The following PODXL2 variants were observed in gnomAD, a reference collection of about 807,000 sequenced individuals.
PODXL2 encodes the protein podocalyxin-like protein 2.
Under a neutral mutation model 53.4 loss-of-function variants are expected in PODXL2, and 17 were observed. The ratio of observed to expected loss-of-function variants is 0.32; its 90% CI spans 0.22 to 0.48. The LOEUF is 0.48. Ranked by LOEUF, PODXL2 falls within the 20% of genes least tolerant of loss-of-function variation. PODXL2 has a pLI of 0.99. For synonymous variants in PODXL2, 311 were observed against 306.7 expected, an observed-to-expected ratio of 1.01 and a Z score of -0.15; for missense variants, 673 against 760.0, an observed-to-expected ratio of 0.89 and a Z score of 1.35.
At chr3:127,654,097 A>C (rs993061771) in intron 2 of PODXL2, among the ~76,000 whole-genome samples, 1 of 152,194 alleles carries the variant, frequency 6.6e-6, no homozygotes, top group African/African-American at 2.4e-5. Flanking sequence ...TTCATAGTCC[A>C]CTATCCGGTC....
At chr3:127,670,157 C>T (rs990064110) in intron 6 of PODXL2, among the ~76,000 whole-genome samples, 3 of 152,172 alleles carry the variant, frequency 2.0e-5, no homozygotes, top group Non-Finnish European at 2.9e-5. Flanking sequence ...TCCTCGCCAC[C>T]ACCCCATGGG....
chr3:127,631,566 T>A (rs2074546472), intron 1 of PODXL2, among the ~76,000 whole-genome samples: 3 of 152,162 alleles, frequency 2.0e-5, no homozygotes, highest in Admixed American at 6.5e-5. Context: ...AACAGAAAAT[T>A]ATAGGTGCTA....
intron 5 of PODXL2, 149 bp downstream of exon 5, chr3:127,668,746 T>G: frequency 2.6e-6 from 2 of 778,606 alleles, no homozygotes; most frequent in Non-Finnish European, 3.9e-6. Flanking sequence ...GTGGTCAAGG[T>G]GTACCCACCA....
chr3:127,653,716 T>A (rs924437137), intron 2 of PODXL2, among the ~76,000 whole-genome samples: 2 of 152,128 alleles, frequency 1.3e-5, no homozygotes, highest in Non-Finnish European at 2.9e-5. Context: ...CTCCTTATTT[T>A]AAAAAATTTT....
intron 1 of PODXL2, among the ~76,000 whole-genome samples, chr3:127,633,883 G>T (rs1185477408): frequency 6.6e-6 from 1 of 151,754 alleles, no homozygotes; most frequent in Admixed American, 6.6e-5. Context: ...GCAGGTGGGT[G>T]GTGGGACAGG....
At chr3:127,669,568 C>T (rs2074817406) in intron 6 of PODXL2, among the ~76,000 whole-genome samples, 2 of 152,156 alleles carry the variant, frequency 1.3e-5, no homozygotes. Flanking sequence ...ACCATGCTGC[C>T]TGGTGGGAGG....
chr3:127,668,961 G>A lies in PODXL2; in HGVS notation c.1364-180G>A, dbSNP rs41266483. On this transcript the variant is annotated intron_variant, in intron 5 of 7. Coordinates refer to ENST00000342480, the MANE Select transcript of PODXL2 (RefSeq NM_015720.4). ...ATACAAATCGATGTTCTAACAGATC[G>A]ATGCAGTGGAAAGCATGTCTAAGAG... Among the ~76,000 whole-genome samples the A allele has an allele frequency of 4.5e-3, 685 of 152,330 alleles. 1 individual carries two copies. Among genetic ancestry groups the A allele is most frequent in the Admixed American group, 8.7e-3 (133 of 15,302 alleles).
chr3:127,669,294 G>A, intron 6 of PODXL2, 92 bp downstream of exon 6: 1 of 870,330 alleles, frequency 1.1e-6, no homozygotes, highest in East Asian at 2.7e-5. Context: ...CACATCGTGA[G>A]GTTCAAAGGA....
chr3:127,661,726 C>T (rs532698371), intron 3 of PODXL2, among the ~76,000 whole-genome samples: 12 of 152,168 alleles, frequency 7.9e-5, no homozygotes, highest in Admixed American at 3.3e-4. Context: ...CATTAGCTAC[C>T]GCACCCAGCC....
At chr3:127,640,701 CA>C (rs60908158) in intron 2 of PODXL2, among the ~76,000 whole-genome samples, 5 of 149,944 alleles carry the variant, frequency 3.3e-5, no homozygotes, top group Non-Finnish European at 7.4e-5. Context: ...AACTCTATCT[CA>C]AAAAAAAATA....
intron 2 of PODXL2, among the ~76,000 whole-genome samples, chr3:127,644,364 C>T (rs2074639966): frequency 6.6e-6 from 1 of 152,178 alleles, no homozygotes; most frequent in African/African-American, 2.4e-5. Context: ...CCTTAGCCTC[C>T]CAAAGTATTG....
Position 127,649,703 on chromosome 3 carries a change from G to A in PODXL2, c.349+10180G>A, listed in dbSNP as rs371813116. 5.3e-5 allele frequency among the ~76,000 whole-genome samples: 8 copies of A among 152,350 alleles called. No individual in the cohort carries two copies. In the South Asian group the frequency reaches 6.2e-4, roughly 12 times the overall value. ...TGTAATTCCAGCACTTTGGGAAGCCGAGGCGGGTGGATCACCTGAGGTGAG... is the reference window on the plus strand; with the variant it reads ...TGTAATTCCAGCACTTTGGGAAGCCAAGGCGGGTGGATCACCTGAGGTGAG... On this transcript the variant is annotated intron_variant, in intron 2 of 7. Coordinates refer to ENST00000342480, the MANE Select transcript of PODXL2 (RefSeq NM_015720.4).
At chr3:127,654,530 G>A (rs576981957) in intron 2 of PODXL2, among the ~76,000 whole-genome samples, 3 of 151,974 alleles carry the variant, frequency 2.0e-5, no homozygotes, top group Non-Finnish European at 2.9e-5. Flanking sequence ...CAGGCCTCCC[G>A]GTAATTCTGT....
chr3:127,650,448 C>A (rs1323712640), intron 2 of PODXL2, among the ~76,000 whole-genome samples: 1 of 152,162 alleles, frequency 6.6e-6, no homozygotes, highest in South Asian at 2.1e-4. Context: ...CAGCACCAAC[C>A]CATCACAGGG....
In PODXL2 at chr3:127,660,391, T is replaced by C; in HGVS notation, c.363T>C (p.Pro121=). The change falls in exon 3 of 8, where the codon CCT becomes CCC. Residue 121 remains proline (P), a synonymous_variant. Coordinates refer to ENST00000342480, the MANE Select transcript of PODXL2 (RefSeq NM_015720.4). ...DLGPTADYVF[P]DLTEKAGSIE... ...CTCTGTCCTTAGATTATGTTTTTCCTGACTTAACTGAGAAGGCAGGTTCCA... is the reference window on the plus strand; with the variant it reads ...CTCTGTCCTTAGATTATGTTTTTCCCGACTTAACTGAGAAGGCAGGTTCCA... The C allele has an allele frequency of 6.2e-7, 1 of 1,608,642 alleles. No homozygotes were observed.
At chr3:127,647,271 C>T (rs573595963) in intron 2 of PODXL2, among the ~76,000 whole-genome samples, 1 of 152,270 alleles carries the variant, frequency 6.6e-6, no homozygotes, top group East Asian at 1.9e-4. Flanking sequence ...GCTGCTCCAC[C>T]AGCTAGCATC....
intron 2 of PODXL2, among the ~76,000 whole-genome samples, chr3:127,650,454 CAG>C (rs1205335633): frequency 2.6e-5 from 4 of 152,190 alleles, no homozygotes; most frequent in Admixed American, 2.0e-4. Flanking sequence ...CAACCCATCA[CAG>C]GGGGCGCGGG....
intron 2 of PODXL2, among the ~76,000 whole-genome samples, chr3:127,647,735 A>G (rs1410710102): frequency 2.0e-5 from 3 of 152,138 alleles, no homozygotes; most frequent in Non-Finnish European, 4.4e-5. Context: ...GTAGCTCCAC[A>G]CTGTCGTCCC....
chr3:127,648,032 AT>A (rs112723811), intron 2 of PODXL2, among the ~76,000 whole-genome samples: 2,586 of 151,798 alleles, frequency 0.017, 78 homozygotes, highest in African/African-American at 0.052. Context: ...TTTCACTTGG[AT>A]TTTTTTTTAA....
Sources: allele counts gnomAD v4.1 joint callset (sites outside exome capture counted in the v4.1 genomes callset), GRCh38; gene constraint gnomAD v4.1.1; transcripts MANE v1.5; gene names NCBI Gene and HGNC (gene_info 2026-07-23, HGNC 2026-07-21).